The following LCT variants were observed in gnomAD, a reference collection of about 807,000 sequenced individuals.
LCT encodes the protein lactase, also known as lactase/phlorizin hydrolase.
A neutral mutation model predicts 173.0 loss-of-function variants in LCT; 90 were observed. The observed-to-expected ratio is 0.52, with a 90% CI of 0.44 to 0.62. The LOEUF (loss-of-function observed/expected upper bound fraction) is 0.62. Ranked by LOEUF, LCT falls within the 20% of genes least tolerant of loss-of-function variation. LCT has a pLI of 0.00. For missense variants in LCT, 1,864 were observed against 2,431.4 expected (o/e 0.77, Z 4.91); for synonymous variants, 853 against 957.6 (o/e 0.89, Z 2.02).
chr2:135,812,727 C>T lies in LCT; in HGVS notation c.1937G>A (p.Arg646Lys), dbSNP rs1221606959. ...TCTGTTCATCTGTTGGATCTGGGTC[C>T]TCAGGGTGGCTGGGTAGTCTCCATC... is the stretch of plus-strand genomic sequence containing the variant. Reference protein sequence around the residue: ...FVDGDYPATLRTQIQQMNRQC... With the variant: ...FVDGDYPATLKTQIQQMNRQC... Residue 646 changes from arginine (R) to lysine (K), a missense_variant, in exon 7 of 17, where the codon AGG becomes AAG. By Grantham distance (26) the Arg-to-Lys change is conservative (BLOSUM62 2). Transcript: ENST00000264162. The T allele has an allele frequency of 1.9e-6, 3 of 1,614,090 alleles. No homozygotes were observed. Among genetic ancestry groups the T allele is most frequent in the African/African-American group, 2.7e-5 (2 of 74,934 alleles).
chr2:135,830,053 C>A (rs1158202895), intron 2 of LCT, among the ~76,000 whole-genome samples: 1 of 152,156 alleles, frequency 6.6e-6, no homozygotes, highest in East Asian at 1.9e-4. Context: ...TAGACCCTCA[C>A]ATTTGGCCAG....
Position 135,808,931 on chromosome 2 carries a change from T to A in LCT, c.3416A>T (p.Asp1139Val). The change falls in exon 8 of 17, where the codon GAT becomes GTT. Residue 1139 changes from aspartate to valine, a missense_variant. Transcript: ENST00000264162. ...AEPKSPGVPR[D>V]VEAADRMLQF... ...CAGCATTCGGTCAGCGGCTTCCACA[T>A]CTCTGGGGACCCCTGGTGACTTGGG... is the stretch of plus-strand genomic sequence containing the variant. The A allele has an allele frequency of 3.7e-6, 6 of 1,614,192 alleles. No individual in the cohort carries two copies. The highest frequency in any genetic ancestry group is 5.1e-6 in the Non-Finnish European group (6 of 1,180,004).
chr2:135,828,984 A>G (rs1229114275), intron 3 of LCT, among the ~76,000 whole-genome samples: 1 of 152,208 alleles, frequency 6.6e-6, no homozygotes, highest in Non-Finnish European at 1.5e-5. Flanking sequence ...TTAGGTCAGG[A>G]GTTTGAGACC....
rs190342380 is a variant in LCT, at chr2:135,811,302, G to A, written c.2353+1009C>T. 2.1e-3 allele frequency among the ~76,000 whole-genome samples: 326 copies of A among 152,242 alleles called. 1 individual carries two copies. The highest frequency in any genetic ancestry group is 7.5e-3 in the African/African-American group (310 of 41,546). On this transcript the variant is annotated intron_variant, in intron 7 of 16. Coordinates refer to ENST00000264162, the MANE Select transcript of LCT (RefSeq NM_002299.4). ...GAAAGATATGTCTAAATTCTAACCC[G>A]TGGTGCCAGTGAATATAACCTTATT...
chr2:135,831,226 G>A (rs1463744373), intron 2 of LCT, among the ~76,000 whole-genome samples: 1 of 152,212 alleles, frequency 6.6e-6, no homozygotes, highest in Admixed American at 6.5e-5. Flanking sequence ...GGCCTCAGCT[G>A]GAGAGCACAG....
chr2:135,789,874 G>A (rs937365896), intron 15 of LCT, 76 bp from the exon 16 acceptor site: 93 of 1,155,052 alleles, frequency 8.1e-5, no homozygotes, highest in Admixed American at 7.4e-4. Flanking sequence ...CGGAAGCCAG[G>A]TCTGCCTACT....
rs200872444 is a variant in LCT, at chr2:135,819,615, C to T, written c.987-1554G>A. Reference sequence around the variant, plus strand: ...GGGTCACCCAGCAGGAGGCGTCTTCCGAACCTAAGAGCCTTCTGTTTCACT... The same window carrying T: ...GGGTCACCCAGCAGGAGGCGTCTTCTGAACCTAAGAGCCTTCTGTTTCACT... On this transcript the variant is annotated intron_variant, in intron 5 of 16. Coordinates refer to ENST00000264162, the MANE Select transcript of LCT (RefSeq NM_002299.4). 1.1e-3 allele frequency among the ~76,000 whole-genome samples: 169 copies of T among 152,290 alleles called. 2 individuals are homozygous for T. Among genetic ancestry groups the T allele is most frequent in the Admixed American group, 5.6e-3 (86 of 15,300 alleles).
Position 135,804,941 on chromosome 2 carries a change from G to A in LCT, c.4290C>T (p.His1430=). The A allele has an allele frequency of 6.2e-7, 1 of 1,614,228 alleles. No homozygotes were observed. The highest frequency in any genetic ancestry group is 8.5e-7 in the Non-Finnish European group (1 of 1,180,038). Residue 1430 remains histidine (H), a synonymous_variant, in exon 10 of 17, where the codon CAC becomes CAT. Transcript: ENST00000264162. ...AIGDVACDSY[H]KIAEDLVTLQ... is the part of the protein sequence containing the mutation. ...GGGTGACCAGATCCTCAGCAATCTT[G>A]TGATAACTGTCACAGGCCACGTCTC...
Position 135,833,164 on chromosome 2 carries a change from C to T in LCT, c.667G>A (p.Ala223Thr). Residue 223 changes from alanine to threonine, a missense_variant, in exon 2 of 17, where the codon GCT becomes ACT. Physicochemically the swap from Ala to Thr is moderately conservative, Grantham distance 58 (BLOSUM62 0). Transcript: ENST00000264162. ...QGGKLSVVLR[A>T]EDIPELLLEP... ...AGCAGGAGCTCCGGGATATCTTCAG[C>T]TCGCAGGACAACAGAGAGTTTTCCG... The T allele has an allele frequency of 1.2e-6, 2 of 1,614,036 alleles. No homozygotes were observed. The highest frequency in any genetic ancestry group is 1.7e-6 in the Non-Finnish European group (2 of 1,179,994).
chr2:135,828,752 C>G (rs115731297), intron 3 of LCT, among the ~76,000 whole-genome samples: 2,712 of 152,160 alleles, frequency 0.018, 73 homozygotes, highest in African/African-American at 0.061. Flanking sequence ...CTAATGAGCC[C>G]GCATCATTAG....
rs1428295820 is a variant in LCT at position 135,809,158 on chromosome 2, A to T, written c.3189T>A (p.Phe1063Leu). The T allele has an allele frequency of 6.2e-7, 1 of 1,614,180 alleles. No homozygotes were observed. Among genetic ancestry groups the T allele is most frequent in the Admixed American group, 1.7e-5 (1 of 60,026 alleles). ...GCCATGCCAGGTACATGGGCTCATT[A>T]AAAGTCATCCAAAACTTGACTCTAT... The part of the protein sequence containing the change: ...FGDRVKFWMT[F>L]NEPMYLAWLG... Residue 1063 changes from phenylalanine to leucine, a missense_variant, in exon 8 of 17, where the codon TTT becomes TTA. By Grantham distance (22) the Phe-to-Leu change is conservative. Around this residue, in one of 4 missense-constraint regions of LCT, gnomAD observed 755 missense variants for 926.3 expected, o/e 0.82. Transcript: ENST00000264162. This position sits in a 1 kb window ranked among gnomAD's most constrained non-coding sequence, Gnocchi z 5.5.
chr2:135,788,256 T>G lies in LCT; in HGVS notation c.*68A>C. 2 of 1,095,810 alleles carry G rather than the reference T, an allele frequency of 1.8e-6. No homozygotes were observed. Among genetic ancestry groups the G allele is most frequent in the Non-Finnish European group, 2.8e-6 (2 of 718,410 alleles). The allele number at this position is 1,095,810 out of a possible 1,614,324, so 67.9% of individuals were successfully genotyped here. On this transcript the variant is annotated 3_prime_UTR_variant, in exon 17 of 17. Transcript: ENST00000264162. Reference sequence around the variant, plus strand: ...ATCAGCAGAGTCTAAGACCCTAAGGTGTTTGGTGGCCGGTAAACATAGATG... The same window carrying G: ...ATCAGCAGAGTCTAAGACCCTAAGGGGTTTGGTGGCCGGTAAACATAGATG...
chr2:135,804,105 T>C lies in LCT; in HGVS notation c.4488A>G (p.Leu1496=), dbSNP rs2077649162. The C allele has an allele frequency of 6.2e-7, 1 of 1,613,996 alleles. No individual in the cohort carries two copies. Among genetic ancestry groups the C allele is most frequent in the Non-Finnish European group, 8.5e-7 (1 of 1,179,980 alleles). ...QPQVTIYHWD[L]PQTLQDVGGW... is the part of the protein sequence containing the mutation. Reference sequence around the variant, plus strand: ...CTCCTACATCTTGGAGCGTCTGTGGTAGGTCCCAGTGGTAAATGGTCACCT... The same window carrying C: ...CTCCTACATCTTGGAGCGTCTGTGGCAGGTCCCAGTGGTAAATGGTCACCT... Residue 1496 remains leucine, a synonymous_variant, in exon 11 of 17, where the codon CTA becomes CTG. Coordinates refer to ENST00000264162, the MANE Select transcript of LCT (RefSeq NM_002299.4).
chr2:135,810,014 T>G, intron 7 of LCT, 21 bp from the exon 8 acceptor site: 1 of 1,466,798 alleles, frequency 6.8e-7, no homozygotes, highest in Non-Finnish European at 9.5e-7. Flanking sequence ...AAATAAAAAT[T>G]AGATTTATTT....
At chr2:135,821,027 C>T (rs1207571572) in intron 5 of LCT, among the ~76,000 whole-genome samples, 3 of 151,996 alleles carry the variant, frequency 2.0e-5, no homozygotes, top group Non-Finnish European at 2.9e-5. Context: ...AATACAGGCG[C>T]CCGCCACCAT....
intron 9 of LCT, among the ~76,000 whole-genome samples, chr2:135,805,840 G>A (rs1336955006): frequency 6.6e-6 from 1 of 152,106 alleles, no homozygotes; most frequent in Non-Finnish European, 1.5e-5. Flanking sequence ...TTGTGGCAGT[G>A]CTCATGTCAA....
intron 9 of LCT, among the ~76,000 whole-genome samples, 188 bp from the exon 10 acceptor site, chr2:135,805,245 A>T (rs1383452276): frequency 6.6e-6 from 1 of 152,142 alleles, no homozygotes; most frequent in African/African-American, 2.4e-5. Context: ...GGATCGCTTG[A>T]GCCCAGGAGT....
intron 13 of LCT, among the ~76,000 whole-genome samples, chr2:135,795,909 C>T (rs540978495): frequency 1.3e-5 from 2 of 151,986 alleles, no homozygotes; most frequent in African/African-American, 2.4e-5. Context: ...TATAGGTGTG[C>T]GTCACCATGC....
chr2:135,821,029 C>CT (rs1558742655), intron 5 of LCT, among the ~76,000 whole-genome samples: 2 of 152,112 alleles, frequency 1.3e-5, no homozygotes, highest in East Asian at 3.9e-4. Flanking sequence ...TACAGGCGCC[C>CT]GCCACCATGC....
Sources: gnomAD v4.1 joint callset for allele counts (sites outside exome capture counted in the v4.1 genomes callset) on GRCh38, gnomAD v4.1.1 for gene constraint, gnomAD v4.1.1 regional missense constraint, Gnocchi (gnomAD v3.1) non-coding constraint, MANE v1.5 for transcripts, NCBI Gene and HGNC (gene_info 2026-07-23, HGNC 2026-07-21) for gene names.